HAO1: variants seen among roughly 807,000 people sequenced by gnomAD.
HAO1 encodes the protein 2-Hydroxyacid oxidase 1.
Under a neutral mutation model 39.7 loss-of-function variants are expected in HAO1, and 34 were observed. The observed-to-expected ratio is 0.86, with a 90% CI of 0.65 to 1.14. The LOEUF (loss-of-function observed/expected upper bound fraction) is 1.14, where lower values mean the gene tolerates loss of function less well. Among genes scored for constraint, HAO1 ranks in the 50% most tolerant of loss-of-function variants. The probability of loss-of-function intolerance (pLI) is 0.00; values close to 1 mark genes in which losing one functional copy is unlikely to be tolerated. For missense variants in HAO1, 479 were observed against 464.5 expected (o/e 1.03, Z -0.29); for synonymous variants, 172 against 173.2 (o/e 0.99, Z 0.05).
At chr20:7,924,693 C>T (rs922288433) in intron 2 of HAO1, among the ~76,000 whole-genome samples, 2 of 152,016 alleles carry the variant, frequency 1.3e-5, no homozygotes, top group Admixed American at 6.6e-5. Flanking sequence ...GAAAATAATT[C>T]TCTTTTATGG....
At position 7,884,592 on chromosome 20, in the gene HAO1, G is replaced by A. The variant is rs904047656; in HGVS notation, c.1042+929C>T. 1.9e-4 allele frequency among the ~76,000 whole-genome samples: 29 copies of A among 152,232 alleles called. 1 individual carries two copies. Among genetic ancestry groups the A allele is most frequent in the African/African-American group, 5.1e-4 (21 of 41,548 alleles). ...TGGAGGAAGAGCATCCAGGCAGAGC[G>A]AACAACCATTGCAAATACCCCAAGG... is the stretch of plus-strand genomic sequence containing the variant. On this transcript the variant is annotated intron_variant, in intron 7 of 7. Coordinates refer to ENST00000378789, the MANE Select transcript of HAO1 (RefSeq NM_017545.3).
chr20:7,921,577 A>G (rs112028474), intron 2 of HAO1, among the ~76,000 whole-genome samples: 10 of 152,154 alleles, frequency 6.6e-5, no homozygotes, highest in Middle Eastern at 3.2e-3. Flanking sequence ...TTTTTCTACC[A>G]TTCGATCCAG....
At chr20:7,886,191 T>A (rs1428766293) in intron 5 of HAO1, among the ~76,000 whole-genome samples, 4 of 152,074 alleles carry the variant, frequency 2.6e-5, no homozygotes, top group African/African-American at 9.7e-5. Context: ...TGTTTTTTTT[T>A]GAGAGAGGGT....
At chr20:7,894,631 T>C (rs986951631) in intron 5 of HAO1, among the ~76,000 whole-genome samples, 2 of 152,068 alleles carry the variant, frequency 1.3e-5, no homozygotes, top group African/African-American at 4.8e-5. Context: ...TTTTTTCTCC[T>C]TTTCCCAACT....
chr20:7,926,222 G>T (rs2050358702), intron 2 of HAO1, among the ~76,000 whole-genome samples: 1 of 152,076 alleles, frequency 6.6e-6, no homozygotes, highest in Non-Finnish European at 1.5e-5. Flanking sequence ...TTGGTCAAGG[G>T]CTTCCTTCTT....
chr20:7,901,515 C>T lies in HAO1; in HGVS notation c.721+4639G>A, dbSNP rs6117989. 6.0e-3 allele frequency among the ~76,000 whole-genome samples: 918 copies of T among 152,218 alleles called. 5 individuals are homozygous for T. The highest frequency in any genetic ancestry group is 0.022 in the African/African-American group (894 of 41,536). On this transcript the variant is annotated intron_variant, in intron 4 of 7. Coordinates refer to ENST00000378789, the MANE Select transcript of HAO1 (RefSeq NM_017545.3). ...TTACTAAATATGTTAAGCCCACTGTCGAGACCTGCTGCTCAGAAAAAAAAA... is the reference window on the plus strand; with the variant it reads ...TTACTAAATATGTTAAGCCCACTGTTGAGACCTGCTGCTCAGAAAAAAAAA...
intron 3 of HAO1, among the ~76,000 whole-genome samples, chr20:7,906,551 T>A (rs191910180): frequency 2.0e-5 from 3 of 152,272 alleles, no homozygotes; most frequent in African/African-American, 7.2e-5. Context: ...TTATTTTACA[T>A]CTTAGGCTGT....
chr20:7,908,316 C>A (rs531294687), intron 3 of HAO1, among the ~76,000 whole-genome samples: 2 of 150,404 alleles, frequency 1.3e-5, no homozygotes, highest in Non-Finnish European at 2.9e-5. Flanking sequence ...CGCTTGAACC[C>A]GGGAGGCGAG....
At chr20:7,936,146 T>C (rs957765545) in intron 1 of HAO1, among the ~76,000 whole-genome samples, 4 of 152,162 alleles carry the variant, frequency 2.6e-5, no homozygotes, top group Admixed American at 1.3e-4. Flanking sequence ...AGTAAAAACA[T>C]CCAGTCCCTG....
At chr20:7,920,522 T>C (rs941352435) in intron 2 of HAO1, among the ~76,000 whole-genome samples, 3 of 152,128 alleles carry the variant, frequency 2.0e-5, no homozygotes, top group African/African-American at 7.2e-5. Context: ...TAAAACCTAT[T>C]ACTCCAGTCG....
At chr20:7,935,105 A>C (rs946011840) in intron 1 of HAO1, among the ~76,000 whole-genome samples, 1 of 152,342 alleles carries the variant, frequency 6.6e-6, no homozygotes, top group East Asian at 1.9e-4. Flanking sequence ...AAAATCATTC[A>C]GTATGTAGCC....
At chr20:7,916,839 A>C (rs2142700) in intron 2 of HAO1, among the ~76,000 whole-genome samples, 57,046 of 152,038 alleles carry the variant, frequency 0.38, 12,688 homozygotes, top group East Asian at 0.79. Context: ...AGTTCCTTCT[A>C]TAGGAATTCA....
intron 2 of HAO1, among the ~76,000 whole-genome samples, chr20:7,915,848 A>G (rs2050304468): frequency 6.6e-6 from 1 of 152,228 alleles, no homozygotes; most frequent in Non-Finnish European, 1.5e-5. Flanking sequence ...GATGAATCTA[A>G]ACAAACTACA....
intron 5 of HAO1, among the ~76,000 whole-genome samples, chr20:7,894,086 C>A (rs574544149): frequency 6.6e-6 from 1 of 152,140 alleles, no homozygotes; most frequent in African/African-American, 2.4e-5. Context: ...TGGCCAAATC[C>A]CCACAAGTGG....
chr20:7,895,701 A>G (rs1279572434), intron 4 of HAO1, among the ~76,000 whole-genome samples: 2 of 152,140 alleles, frequency 1.3e-5, no homozygotes, highest in Non-Finnish European at 2.9e-5. Context: ...AGCTTTAGTA[A>G]CTATTTTAAG....
intron 5 of HAO1, among the ~76,000 whole-genome samples, chr20:7,888,727 CATT>C (rs1403128259): frequency 6.6e-6 from 1 of 152,132 alleles, no homozygotes; most frequent in East Asian, 1.9e-4. Context: ...TTCCTTGCAA[CATT>C]ATGGGAGAAA....
chr20:7,907,663 C>CTCTAAGTATT (rs1449715066), intron 3 of HAO1, among the ~76,000 whole-genome samples: 6 of 152,274 alleles, frequency 3.9e-5, no homozygotes, highest in Admixed American at 3.3e-4. Context: ...CCAGCTTAGC[C>CTCTAAGTATT]CAGTATTTCT....
At chr20:7,896,642 T>C (rs2050199192) in intron 4 of HAO1, among the ~76,000 whole-genome samples, 2 of 152,156 alleles carry the variant, frequency 1.3e-5, no homozygotes, top group Admixed American at 6.5e-5. Context: ...ATTTTGAAGC[T>C]CTGATCCCCA....
chr20:7,916,210 G>T lies in HAO1; in HGVS notation c.290-1791C>A, dbSNP rs2050306355. 2.0e-5 allele frequency among the ~76,000 whole-genome samples: 3 copies of T among 152,088 alleles called. No homozygotes were observed. In the South Asian group the frequency reaches 6.2e-4, roughly 32 times the overall value. ...GAGTAAAATTGGAGTCAGCCTTAGT[G>T]GAGGAGAAACTGATATAATGTTTAT... On this transcript the variant is annotated intron_variant, in intron 2 of 7. Coordinates refer to ENST00000378789, the MANE Select transcript of HAO1 (RefSeq NM_017545.3).
Sources: gnomAD v4.1 joint callset for allele counts (sites outside exome capture counted in the v4.1 genomes callset) on GRCh38, gnomAD v4.1.1 for gene constraint, MANE v1.5 for transcripts, NCBI Gene and HGNC (gene_info 2026-07-23, HGNC 2026-07-21) for gene names.